The following DOCK2 variants were observed in gnomAD, a reference collection of about 807,000 sequenced individuals.
DOCK2 encodes dedicator of cytokinesis 2, also known as dedicator of cytokinesis protein 2.
DOCK2 carries 87 observed loss-of-function variants against 248.9 expected under a neutral mutation model. The observed-to-expected ratio is 0.35, with a 90% CI of 0.29 to 0.42. The LOEUF (loss-of-function observed/expected upper bound fraction) is 0.42. DOCK2 is among the 10% of genes least tolerant of loss of function. The probability of loss-of-function intolerance (pLI) is 1.00; values close to 1 mark genes in which losing one functional copy is unlikely to be tolerated. For synonymous variants in DOCK2, 805 were observed against 821.6 expected (o/e 0.98, Z 0.35); for missense variants, 1,747 against 2,300.2 (o/e 0.76, Z 4.92).
At chr5:170,008,176 G>A (rs1755123464) in intron 30 of DOCK2, among the ~76,000 whole-genome samples, 1 of 139,802 alleles carries the variant, frequency 7.2e-6, no homozygotes, top group African/African-American at 2.9e-5. Flanking sequence ...TCAAAAAACA[G>A]AACAAAGCAC....
chr5:169,968,281 C>A (rs1271445963), intron 27 of DOCK2, among the ~76,000 whole-genome samples: 1 of 152,124 alleles, frequency 6.6e-6, no homozygotes, highest in African/African-American at 2.4e-5. Context: ...GCTGAGAAGA[C>A]CTTTGTCCTT....
chr5:170,014,849 G>A (rs777705080), intron 32 of DOCK2, among the ~76,000 whole-genome samples: 1 of 152,256 alleles, frequency 6.6e-6, no homozygotes, highest in East Asian at 1.9e-4. Context: ...TGAGAGCAAG[G>A]AAAGTCATAG....
rs4867887 is a variant in DOCK2, at chr5:169,745,361, A to G, written c.2268-2035A>G. On this transcript the variant is annotated intron_variant, in intron 22 of 51. Coordinates refer to ENST00000520908, the MANE Select transcript of DOCK2 (RefSeq NM_004946.3). The stretch of plus-strand genomic sequence containing the variant: ...GGATGAGAGCAATGATAATCATGCT[A>G]CTCTTCCAACTGACAACAGTACGGC... Among the ~76,000 whole-genome samples the G allele has an allele frequency of 2.9e-3, 445 of 152,170 alleles. 20 individuals are homozygous for G. The East Asian group carries it at 0.07, about 24-fold the overall frequency.
intron 27 of DOCK2, among the ~76,000 whole-genome samples, chr5:169,923,467 G>A (rs201753887): frequency 6.3e-4 from 91 of 145,554 alleles, no homozygotes; most frequent in East Asian, 1.0e-3. Flanking sequence ...ACATGCGTGC[G>A]TGTGCATGCA....
chr5:169,659,073 A>G (rs1442805273), intron 2 of DOCK2, among the ~76,000 whole-genome samples: 1 of 150,120 alleles, frequency 6.7e-6, no homozygotes, highest in East Asian at 2.0e-4. Flanking sequence ...TCTGGTCTCC[A>G]ACTCCAGGGC....
chr5:169,914,584 A>G (rs1774776744), intron 27 of DOCK2, among the ~76,000 whole-genome samples: 1 of 152,246 alleles, frequency 6.6e-6, no homozygotes, highest in Admixed American at 6.5e-5. Flanking sequence ...TGGCCTGCAC[A>G]GTGTCTTAAA....
At chr5:170,034,377 T>TG in intron 34 of DOCK2, 22 bp from the exon 35 acceptor site, 1 of 1,613,336 alleles carries the variant, frequency 6.2e-7, no homozygotes, top group Non-Finnish European at 8.5e-7. Flanking sequence ...ATGAGCTCAC[T>TG]GCCCTCTGGT....
At chr5:169,713,997 G>A (rs775626095) in intron 17 of DOCK2, 31 bp from the exon 18 acceptor site, 1 of 1,562,560 alleles carries the variant, frequency 6.4e-7, no homozygotes, top group Admixed American at 1.8e-5. Context: ...TGGAGCCTTG[G>A]CTTGGGGCAG....
chr5:169,985,724 C>G, intron 28 of DOCK2, 104 bp from the exon 29 acceptor site: 1 of 818,552 alleles, frequency 1.2e-6, no homozygotes, highest in African/African-American at 1.7e-5. Flanking sequence ...TGTCCCTTCC[C>G]TTTTCCTCCC....
At chr5:170,060,536 GT>G (rs1757293235) in intron 44 of DOCK2, among the ~76,000 whole-genome samples, 2 of 152,288 alleles carry the variant, frequency 1.3e-5, no homozygotes, top group East Asian at 3.9e-4. Context: ...AGTTCTCCAA[GT>G]TTTTTGTCCT....
chr5:169,724,477 CTG>C (rs1762365786), intron 22 of DOCK2, among the ~76,000 whole-genome samples: 2 of 152,156 alleles, frequency 1.3e-5, no homozygotes. Flanking sequence ...AAATTGCACT[CTG>C]TGTCCTGATG....
intron 47 of DOCK2, among the ~76,000 whole-genome samples, chr5:170,076,402 C>T (rs977718244): frequency 2.0e-5 from 3 of 152,222 alleles, no homozygotes; most frequent in Non-Finnish European, 4.4e-5. Flanking sequence ...TTGACATCTA[C>T]TAGGTCATTT....
At chr5:169,904,120 G>A (rs1353117445) in intron 27 of DOCK2, among the ~76,000 whole-genome samples, 8 of 150,954 alleles carry the variant, frequency 5.3e-5, no homozygotes, top group Non-Finnish European at 1.2e-4. Flanking sequence ...AAAGTTTAGG[G>A]GAGGAGAAGG....
At chr5:170,007,814 C>A (rs1292150368) in intron 30 of DOCK2, among the ~76,000 whole-genome samples, 2 of 152,164 alleles carry the variant, frequency 1.3e-5, no homozygotes, top group Non-Finnish European at 2.9e-5. Flanking sequence ...CTGAAACATG[C>A]ATCAGAATCA....
intron 6 of DOCK2, among the ~76,000 whole-genome samples, chr5:169,681,023 CA>C (rs1262791342): frequency 6.7e-6 from 1 of 149,584 alleles, no homozygotes; most frequent in Non-Finnish European, 1.5e-5. Context: ...TTAAACATAG[CA>C]AAACTATATA....
At chr5:169,737,516 A>G (rs567736028) in intron 22 of DOCK2, among the ~76,000 whole-genome samples, 10 of 152,146 alleles carry the variant, frequency 6.6e-5, no homozygotes, top group Non-Finnish European at 1.0e-4. Flanking sequence ...CATGCTAATG[A>G]GTTGACTGAA....
At chr5:170,082,131 CTG>C (rs1758056637) in intron 51 of DOCK2, 147 bp downstream of exon 51, 8 of 1,170,206 alleles carry the variant, frequency 6.8e-6, no homozygotes, top group Non-Finnish European at 9.5e-6. Context: ...TTCTGGGACA[CTG>C]TGCAGCAATG....
intron 27 of DOCK2, among the ~76,000 whole-genome samples, chr5:169,982,481 G>A (rs573709394): frequency 9.9e-4 from 151 of 152,062 alleles, no homozygotes; most frequent in African/African-American, 3.4e-3. Context: ...GCCAATTGAG[G>A]GTCTTACTCT....
intron 9 of DOCK2, among the ~76,000 whole-genome samples, chr5:169,694,659 A>G (rs1760507536): frequency 6.6e-6 from 1 of 152,154 alleles, no homozygotes; most frequent in African/African-American, 2.4e-5. Flanking sequence ...AGTGGATGAG[A>G]GTGCGTTTCA....
Sources: gnomAD v4.1 joint callset for allele counts (sites outside exome capture counted in the v4.1 genomes callset) on GRCh38, gnomAD v4.1.1 for gene constraint, MANE v1.5 for transcripts, NCBI Gene and HGNC (gene_info 2026-07-23, HGNC 2026-07-21) for gene names.